Variants in MTAP observed in about 807,000 individuals in gnomAD.
The protein encoded by MTAP is methylthioadenosine phosphorylase, also known as S-methyl-5'-thioadenosine phosphorylase.
MTAP carries 33 observed loss-of-function variants against 33.6 expected under a neutral mutation model. The ratio of observed to expected loss-of-function variants is 0.98; its 90% CI spans 0.74 to 1.31. The LOEUF (loss-of-function observed/expected upper bound fraction) is 1.31. Among genes scored for constraint, MTAP ranks in the 40% most tolerant of loss-of-function variants. The probability of loss-of-function intolerance (pLI) is 0.00; values close to 1 mark genes in which losing one functional copy is unlikely to be tolerated. For synonymous variants in MTAP, 148 were observed against 125.7 expected (o/e 1.18, Z -1.19); for missense variants, 367 against 360.0 (o/e 1.02, Z -0.16).
At chr9:21,935,725 C>G (rs1297649845), downstream of MTAP, 1 of 151,886 alleles carries the variant, frequency 6.6e-6, no homozygotes, top group Non-Finnish European at 1.5e-5. Context: ...TAAGTTTGTC[C>G]CATGTCACTG....
At chr9:21,860,745 A>ATTTG (rs1280894844) in intron 7 of MTAP, 1 of 151,934 alleles carries the variant, frequency 6.6e-6, no homozygotes, top group Non-Finnish European at 1.5e-5. Context: ...TTGTTTGTTT[A>ATTTG]TTTGTTTGTT....
intron 4 of MTAP, among the ~76,000 whole-genome samples, chr9:21,831,612 G>A (rs1351723570): frequency 2.6e-5 from 4 of 152,126 alleles, no homozygotes; most frequent in African/African-American, 9.7e-5. Context: ...ATAGGCATGA[G>A]CCACTGCACC....
intron 4 of MTAP, among the ~76,000 whole-genome samples, chr9:21,829,561 T>C (rs1266593539): frequency 1.3e-5 from 2 of 152,080 alleles, no homozygotes; most frequent in African/African-American, 4.8e-5. Context: ...CCGTGTATTC[T>C]CTCCAGGGAC....
In MTAP at chr9:21,821,676, A is replaced by G. The variant is rs570370680; in HGVS notation, c.347+3474A>G. Among the ~76,000 whole-genome samples the G allele has an allele frequency of 3.3e-5, 5 of 152,158 alleles. No individual in the cohort carries two copies. In the East Asian group the frequency reaches 9.7e-4, roughly 29 times the overall value. On this transcript the variant is annotated intron_variant, in intron 4 of 7. Coordinates refer to ENST00000644715, the MANE Select transcript of MTAP (RefSeq NM_002451.4). ...GGGAGGATTCCCTCTTTTTTTATTG[A>G]TTGGAATAGTTTCAGAAGGAATGGT...
intron 1 of MTAP, among the ~76,000 whole-genome samples, chr9:21,924,714 G>T (rs1005898096): frequency 1.5e-4 from 23 of 151,992 alleles, no homozygotes; most frequent in Middle Eastern, 3.4e-3. Context: ...CAAGTCTCCT[G>T]GCCCTGGAGC....
intron 5 of MTAP, among the ~76,000 whole-genome samples, chr9:21,853,529 A>G (rs1825565346): frequency 1.3e-5 from 2 of 152,194 alleles, no homozygotes; most frequent in African/African-American, 2.4e-5. Context: ...GAAATAGGTT[A>G]ATTTGTTTAT....
At chr9:21,829,917 C>T (rs913896901) in intron 4 of MTAP, among the ~76,000 whole-genome samples, 11 of 152,146 alleles carry the variant, frequency 7.2e-5, no homozygotes, top group Admixed American at 5.9e-4. Flanking sequence ...TCATTCTTAT[C>T]TGAAAATCTT....
intron 1 of MTAP, among the ~76,000 whole-genome samples, chr9:21,896,892 A>T (rs1287234935): frequency 6.6e-6 from 1 of 152,246 alleles, no homozygotes; most frequent in African/African-American, 2.4e-5. Flanking sequence ...TGAGGCCAGC[A>T]TCATCCTGAT....
chr9:21,848,392 A>C (rs1217584336), intron 5 of MTAP, among the ~76,000 whole-genome samples: 1 of 143,560 alleles, frequency 7.0e-6, no homozygotes, highest in Non-Finnish European at 1.5e-5. Flanking sequence ...TAATGGTGGA[A>C]GGAAAATGGA....
chr9:21,881,015 A>C (rs1364718647), intron 1 of MTAP, among the ~76,000 whole-genome samples: 2 of 152,134 alleles, frequency 1.3e-5, no homozygotes, highest in Non-Finnish European at 2.9e-5. Context: ...AATATATTAC[A>C]AAACTATAGT....
At chr9:21,879,012 TGAGAAGAATGTATATTCTCTTGGGTTAG>T (rs1826051351) in intron 1 of MTAP, among the ~76,000 whole-genome samples, 1 of 152,218 alleles carries the variant, frequency 6.6e-6, no homozygotes, top group African/African-American at 2.4e-5. Flanking sequence ...CATGTGGCAG[TGAGAAGAATGTATATTCTCTTGGGTTAG>T]GGTGGAGAGT....
At chr9:21,855,089 T>C (rs572272194) in intron 6 of MTAP, among the ~76,000 whole-genome samples, 1 of 152,320 alleles carries the variant, frequency 6.6e-6, no homozygotes, top group South Asian at 2.1e-4. Context: ...AATAGTACAT[T>C]GTAGGCAGGT....
intron 1 of MTAP, among the ~76,000 whole-genome samples, chr9:21,897,988 A>G (rs1818326285): frequency 6.6e-6 from 1 of 152,220 alleles, no homozygotes; most frequent in Admixed American, 6.5e-5. Flanking sequence ...ACTATACTAC[A>G]AGGCTACAGT....
At chr9:21,889,129 G>T (rs886320037) in intron 1 of MTAP, among the ~76,000 whole-genome samples, 1 of 151,692 alleles carries the variant, frequency 6.6e-6, no homozygotes, top group Non-Finnish European at 1.5e-5. Context: ...CTTAGGTTTG[G>T]TCATTTAACA....
At chr9:21,833,042 AC>A (rs1825012283) in intron 4 of MTAP, among the ~76,000 whole-genome samples, 1 of 152,158 alleles carries the variant, frequency 6.6e-6, no homozygotes, top group Non-Finnish European at 1.5e-5. Flanking sequence ...AAACTATGGT[AC>A]CTGTTTATTG....
intron 5 of MTAP, among the ~76,000 whole-genome samples, chr9:21,839,173 G>GTTT (rs10634119): frequency 0.24 from 33,938 of 143,484 alleles, 6,046 homozygotes; most frequent in African/African-American, 0.51. Flanking sequence ...CTTTTACTTG[G>GTTT]TTTTTTTTTT....
At chr9:21,807,676 T>C (rs1824243412) in intron 1 of MTAP, among the ~76,000 whole-genome samples, 1 of 152,130 alleles carries the variant, frequency 6.6e-6, no homozygotes, top group African/African-American at 2.4e-5. Flanking sequence ...CAAAAAAGAC[T>C]ACCTGCTGAA....
At chr9:21,851,993 A>C (rs1825523358) in intron 5 of MTAP, among the ~76,000 whole-genome samples, 1 of 152,144 alleles carries the variant, frequency 6.6e-6, no homozygotes. Context: ...GTTAATACTT[A>C]ATAAACTCCC....
At chr9:21,803,346 T>C (rs1824116171) in intron 1 of MTAP, 1 of 166,618 alleles carries the variant, frequency 6.0e-6, no homozygotes, top group Non-Finnish European at 1.3e-5. Flanking sequence ...ACGTAGGCCT[T>C]CTCCGCGCTG....
Sources: gnomAD v4.1 joint callset for allele counts (sites outside exome capture counted in the v4.1 genomes callset) on GRCh38, gnomAD v4.1.1 for gene constraint, MANE v1.5 for transcripts, NCBI Gene and HGNC (gene_info 2026-07-23, HGNC 2026-07-21) for gene names.